Variants in CDH13 observed in about 807,000 individuals in gnomAD.
The protein encoded by CDH13 is cadherin 13, also known as cadherin-13.
Under a neutral mutation model 63.8 loss-of-function variants are expected in CDH13, and 24 were observed. That is an observed-to-expected ratio of 0.38 (90% CI 0.27 to 0.53). CDH13 has a LOEUF of 0.53. Ranked by LOEUF, CDH13 falls within the 20% of genes least tolerant of loss-of-function variation. The probability of loss-of-function intolerance (pLI) is 0.85; values close to 1 mark genes in which losing one functional copy is unlikely to be tolerated. For missense variants in CDH13, 1,049 were observed against 903.1 expected (o/e 1.16, Z -2.07); for synonymous variants, 503 against 355.3 (o/e 1.42, Z -4.67).
intron 3 of CDH13, among the ~76,000 whole-genome samples, chr16:83,123,682 G>C (rs946658267): frequency 2.0e-5 from 3 of 152,136 alleles, no homozygotes; most frequent in Non-Finnish European, 4.4e-5. Context: ...TGCAGGTATT[G>C]TTTTGATATA....
At chr16:82,630,493 G>T (rs993014602) in intron 1 of CDH13, among the ~76,000 whole-genome samples, 21 of 152,094 alleles carry the variant, frequency 1.4e-4, no homozygotes, top group African/African-American at 4.3e-4. Context: ...TCTATCTTTA[G>T]CCCTTGGGTT....
intron 1 of CDH13, among the ~76,000 whole-genome samples, chr16:82,801,631 T>C (rs1175640573): frequency 6.6e-6 from 1 of 152,122 alleles, no homozygotes; most frequent in African/African-American, 2.4e-5. Flanking sequence ...AAATTAGTCA[T>C]TGAGGGAAGT....
At chr16:82,995,629 G>C (rs1912121974) in intron 2 of CDH13, among the ~76,000 whole-genome samples, 2 of 152,054 alleles carry the variant, frequency 1.3e-5, no homozygotes, top group African/African-American at 4.8e-5. Flanking sequence ...TACTGAATCT[G>C]ATATCACCTA....
chr16:83,760,802 G>C (rs560821483), intron 11 of CDH13, among the ~76,000 whole-genome samples: 1 of 152,336 alleles, frequency 6.6e-6, no homozygotes, highest in South Asian at 2.1e-4. Context: ...TGGCTGCAGA[G>C]AGAGAGCACG....
At chr16:82,784,104 A>T (rs1224381593) in intron 1 of CDH13, among the ~76,000 whole-genome samples, 1 of 152,008 alleles carries the variant, frequency 6.6e-6, no homozygotes, top group Non-Finnish European at 1.5e-5. Context: ...TTGCAGTAAA[A>T]GAAATCCACC....
intron 7 of CDH13, among the ~76,000 whole-genome samples, chr16:83,574,216 C>T (rs1567776459): frequency 6.6e-6 from 1 of 152,118 alleles, no homozygotes; most frequent in Non-Finnish European, 1.5e-5. Context: ...TTGCTATTGT[C>T]GTCATTATTT....
intron 2 of CDH13, among the ~76,000 whole-genome samples, chr16:82,882,952 A>G (rs1278570004): frequency 6.6e-6 from 1 of 152,196 alleles, no homozygotes. Flanking sequence ...GGAGGGTTCA[A>G]TAAATCCTAG....
At chr16:82,974,379 C>G (rs951012686) in intron 2 of CDH13, among the ~76,000 whole-genome samples, 2 of 152,108 alleles carry the variant, frequency 1.3e-5, no homozygotes, top group African/African-American at 2.4e-5. Context: ...TCTCTGGTTC[C>G]CAACACCCTG....
At chr16:83,580,498 C>G (rs867162518) in intron 7 of CDH13, among the ~76,000 whole-genome samples, 1 of 120,320 alleles carries the variant, frequency 8.3e-6, no homozygotes, top group African/African-American at 3.6e-5. Flanking sequence ...CTCTCTCTCT[C>G]TCTCTCTCTA....
intron 6 of CDH13, among the ~76,000 whole-genome samples, chr16:83,469,994 T>C (rs1470870815): frequency 6.6e-6 from 1 of 152,222 alleles, no homozygotes; most frequent in African/African-American, 2.4e-5. Flanking sequence ...TAAATTTCTT[T>C]TACTTGGCCG....
chr16:82,874,960 CA>C (rs1389487967), intron 2 of CDH13, among the ~76,000 whole-genome samples: 3 of 152,070 alleles, frequency 2.0e-5, no homozygotes, highest in African/African-American at 4.8e-5. Context: ...TCGCATTGTC[CA>C]AAAGGGACAT....
chr16:83,176,665 G>A (rs540333316), intron 4 of CDH13, among the ~76,000 whole-genome samples: 1 of 152,088 alleles, frequency 6.6e-6, no homozygotes, highest in South Asian at 2.1e-4. Flanking sequence ...TAATCTGCAA[G>A]GAATACATTT....
chr16:83,714,038 A>G (rs139594478), intron 10 of CDH13, among the ~76,000 whole-genome samples: 1 of 151,614 alleles, frequency 6.6e-6, no homozygotes. Context: ...AGCCCACCCT[A>G]TACCCATCGC....
chr16:83,634,170 C>A (rs1053820137), intron 8 of CDH13, among the ~76,000 whole-genome samples: 2 of 148,768 alleles, frequency 1.3e-5, no homozygotes, highest in Non-Finnish European at 3.0e-5. Context: ...TGGTCCTACG[C>A]ATTTGATCAC....
chr16:83,063,986 A>G (rs919940494), intron 3 of CDH13, among the ~76,000 whole-genome samples: 1 of 152,168 alleles, frequency 6.6e-6, no homozygotes, highest in Non-Finnish European at 1.5e-5. Flanking sequence ...AATTTGTAAG[A>G]TGTCCAAGCG....
chr16:82,742,954 A>G (rs963649295), intron 1 of CDH13, among the ~76,000 whole-genome samples: 5 of 152,236 alleles, frequency 3.3e-5, no homozygotes, highest in Non-Finnish European at 7.3e-5. Flanking sequence ...TTTTAAGTGC[A>G]TAAAATTACT....
intron 4 of CDH13, among the ~76,000 whole-genome samples, chr16:83,188,168 C>G (rs1420959848): frequency 6.6e-6 from 1 of 152,124 alleles, no homozygotes; most frequent in Non-Finnish European, 1.5e-5. Context: ...TTGGTGAAGA[C>G]AGATGTGATC....
At chr16:82,943,070 A>C (rs1904318580) in intron 2 of CDH13, among the ~76,000 whole-genome samples, 1 of 152,176 alleles carries the variant, frequency 6.6e-6, no homozygotes, top group East Asian at 1.9e-4. Context: ...GTGTCCAAAA[A>C]ATCTTATGGT....
At chr16:82,922,648 C>G (rs977760813) in intron 2 of CDH13, among the ~76,000 whole-genome samples, 1 of 152,120 alleles carries the variant, frequency 6.6e-6, no homozygotes, top group Non-Finnish European at 1.5e-5. Flanking sequence ...GAAAAGCTCA[C>G]AGAGAAGAAT....
Sources: allele counts gnomAD v4.1 joint callset (sites outside exome capture counted in the v4.1 genomes callset), GRCh38; gene constraint gnomAD v4.1.1; transcripts MANE v1.5; gene names NCBI Gene and HGNC (gene_info 2026-07-23, HGNC 2026-07-21).